RET: variants seen among roughly 807,000 people sequenced by gnomAD.
RET encodes the protein ret proto-oncogene.
A neutral mutation model predicts 118.3 loss-of-function variants in RET; 19 were observed. That is an observed-to-expected ratio of 0.16 (90% CI 0.11 to 0.24). RET has a LOEUF of 0.24. RET is among the 10% of genes least tolerant of loss of function. RET has a pLI of 1.00. For synonymous variants in RET, 597 were observed against 644.1 expected (o/e 0.93, Z 1.11); for missense variants, 1,219 against 1,502.1 (o/e 0.81, Z 3.12).
At position 43,077,343 on chromosome 10, in the gene RET, C is replaced by G. The variant is rs2132499693; in HGVS notation, c.73+12C>G. 1.3e-6 allele frequency: 2 copies of G among 1,506,006 alleles called. No homozygotes were observed. The highest frequency in any genetic ancestry group is 1.8e-6 in the Non-Finnish European group (2 of 1,132,738). 93.3% of individuals were successfully genotyped at this position (1,506,006 alleles called of 1,614,324 possible). On this transcript the variant is annotated intron_variant, in intron 1 of 19. Transcript: ENST00000355710. Reference sequence around the variant, plus strand: ...GCTGCTAGGCAAAGGTGAGTTCTGCCGGCCGCCGGCTCCCGCAGGGGCCAG... The same window carrying G: ...GCTGCTAGGCAAAGGTGAGTTCTGCGGGCCGCCGGCTCCCGCAGGGGCCAG...
chr10:43,077,613 C>A (rs1322824656), intron 1 of RET, among the ~76,000 whole-genome samples: 1 of 152,024 alleles, frequency 6.6e-6, no homozygotes, highest in African/African-American at 2.4e-5. Flanking sequence ...CTAGCCATAG[C>A]CGCAGGTCTC....
At position 43,100,604 on chromosome 10, in the gene RET, C is replaced by T. The variant is rs761460588; in HGVS notation, c.219C>T (p.Tyr73=). Residue 73 remains tyrosine (Y), a synonymous_variant, in exon 2 of 20, where the codon TAC becomes TAT. Coordinates refer to ENST00000355710, the MANE Select transcript of RET (RefSeq NM_020975.6). ...GCTTCCGCCTGGGCCAGCATCTCTA[C>T]GGCACGTACCGCACACGGCTGCATG... ...VPSFRLGQHL[Y]GTYRTRLHEN... The T allele has an allele frequency of 8.7e-6, 14 of 1,613,956 alleles. No homozygotes were observed. Among genetic ancestry groups the T allele is most frequent in the Admixed American group, 3.3e-5 (2 of 60,018 alleles).
Position 43,085,111 on chromosome 10 carries a change from G to A in RET, c.73+7780G>A, listed in dbSNP as rs572807056. Reference sequence around the variant, plus strand: ...CTGGAGGCCAGCATGGAGCTGGGGGGCCCTGAACCGAGGGTGGCAGGCAGC... The same window carrying A: ...CTGGAGGCCAGCATGGAGCTGGGGGACCCTGAACCGAGGGTGGCAGGCAGC... On this transcript the variant is annotated intron_variant, in intron 1 of 19. Transcript: ENST00000355710. Among the ~76,000 whole-genome samples, 9 of 152,350 alleles carry A rather than the reference G, an allele frequency of 5.9e-5. 1 individual carries two copies. The South Asian group carries it at 1.7e-3, about 28-fold the overall frequency.
chr10:43,113,969 C>G (rs1457089071), intron 10 of RET, among the ~76,000 whole-genome samples: 4 of 152,200 alleles, frequency 2.6e-5, no homozygotes, highest in Non-Finnish European at 5.9e-5. Flanking sequence ...GGGACCCACC[C>G]AGGAACACAT....
chr10:43,086,712 C>G (rs564244171), intron 1 of RET, among the ~76,000 whole-genome samples: 1 of 152,356 alleles, frequency 6.6e-6, no homozygotes, highest in South Asian at 2.1e-4. Flanking sequence ...GCATAGAAGC[C>G]GGAAGCAACT....
At chr10:43,098,149 A>C (rs1837560716) in intron 1 of RET, among the ~76,000 whole-genome samples, 1 of 152,236 alleles carries the variant, frequency 6.6e-6, no homozygotes, top group South Asian at 2.1e-4. Flanking sequence ...CATTAAGTAC[A>C]TTCACATTGT....
At chr10:43,110,697 G>A (rs990661507) in intron 6 of RET, among the ~76,000 whole-genome samples, 2 of 152,064 alleles carry the variant, frequency 1.3e-5, no homozygotes, top group African/African-American at 2.4e-5. Flanking sequence ...CCATGCTCCC[G>A]AGTCTTGTGG....
At chr10:43,119,209 G>C (rs1486685138) in intron 13 of RET, among the ~76,000 whole-genome samples, 1 of 152,178 alleles carries the variant, frequency 6.6e-6, no homozygotes, top group Non-Finnish European at 1.5e-5. Flanking sequence ...ACTGGGGCAG[G>C]ACCCAGGAGG....
chr10:43,121,014 G>A (rs1229010083), intron 15 of RET, among the ~76,000 whole-genome samples: 3 of 152,200 alleles, frequency 2.0e-5, no homozygotes, highest in Non-Finnish European at 1.5e-5. Context: ...GAAGCCATTT[G>A]TGTTGCCAGG....
chr10:43,130,070 G>A lies in RET; in HGVS notation c.*1801G>A. 1 of 398,542 alleles carries A rather than the reference G, an allele frequency of 2.5e-6. No homozygotes were observed. The highest frequency in any genetic ancestry group is 4.4e-6 in the Non-Finnish European group (1 of 226,036). 24.7% of individuals were successfully genotyped at this position (398,542 alleles called of 1,614,324 possible). On this transcript the variant is annotated 3_prime_UTR_variant, in exon 20 of 20. Transcript: ENST00000355710. ...AGGTCTAAACAGCTGACCCAGTGATGGGGAATTTATCCTTGACCAATTTAT... is the reference window on the plus strand; with the variant it reads ...AGGTCTAAACAGCTGACCCAGTGATAGGGAATTTATCCTTGACCAATTTAT...
intron 17 of RET, 118 bp downstream of exon 17, chr10:43,123,926 T>G: frequency 6.7e-7 from 1 of 1,484,648 alleles, no homozygotes; most frequent in Non-Finnish European, 9.3e-7. Flanking sequence ...GGGTGGGGAG[T>G]GGGCAGGGCA....
At chr10:43,112,337 G>A in intron 8 of RET, 113 bp downstream of exon 8, 1 of 1,469,738 alleles carries the variant, frequency 6.8e-7, no homozygotes, top group Non-Finnish European at 9.3e-7. Flanking sequence ...GTCTGCTTCT[G>A]GCACCTCATC....
intron 17 of RET, 53 bp downstream of exon 17, chr10:43,123,861 T>C: frequency 6.2e-7 from 1 of 1,611,666 alleles, no homozygotes; most frequent in Middle Eastern, 1.7e-4. Flanking sequence ...AGGGGACATC[T>C]GTGTGCATTC....
rs1207742610 is a variant in RET, at chr10:43,126,599, A to G, written c.3064A>G (p.Thr1022Ala). ...RRDYLDLAASTPSDSLIYDDG... is the reference protein window; with the variant it reads ...RRDYLDLAASAPSDSLIYDDG... ...GGACTACTTGGACCTTGCGGCGTCC[A>G]CTCCATCTGACTCCCTGATTTATGA... The change falls in exon 19 of 20, where the codon ACT becomes GCT. Residue 1022 changes from threonine to alanine, a missense_variant. By Grantham distance (58) the Thr-to-Ala change is moderately conservative. Around this residue, in one of 5 missense-constraint regions of RET, gnomAD observed 174 missense variants for 179.3 expected, o/e 0.97. Transcript: ENST00000355710. 4 of 1,613,814 alleles carry G rather than the reference A, an allele frequency of 2.5e-6. No individual in the cohort carries two copies. Among genetic ancestry groups the G allele is most frequent in the African/African-American group, 1.3e-5 (1 of 74,908 alleles).
chr10:43,125,040 C>T, intron 18 of RET, 58 bp downstream of exon 18: 1 of 1,501,408 alleles, frequency 6.7e-7, no homozygotes, highest in Non-Finnish European at 9.3e-7. Flanking sequence ...ACTCCAGCCT[C>T]ACCCCAGGGC....
chr10:43,095,532 G>C (rs1837504629), intron 1 of RET, among the ~76,000 whole-genome samples: 1 of 152,152 alleles, frequency 6.6e-6, no homozygotes, highest in Non-Finnish European at 1.5e-5. Flanking sequence ...TGGGACGAGG[G>C]GGCTCAGGAC....
At chr10:43,092,928 C>T (rs1485601235) in intron 1 of RET, among the ~76,000 whole-genome samples, 5 of 152,322 alleles carry the variant, frequency 3.3e-5, no homozygotes, top group East Asian at 1.9e-4. Context: ...AGTATCTCCC[C>T]GTCCTCTTAC....
Position 43,114,399 on chromosome 10 carries a change from A to C in RET, c.1880-81A>C, listed in dbSNP as rs985435771. ...CGCGGACACGGCAGGCTGGAGAGCC[A>C]TGAGGCAGAGCATACGCAGCCTGTA... is the stretch of plus-strand genomic sequence containing the variant. On this transcript the variant is annotated intron_variant, in intron 10 of 19. Transcript: ENST00000355710. This position sits in a 1 kb window ranked among gnomAD's most constrained non-coding sequence, Gnocchi z 4.6. The C allele has an allele frequency of 8.2e-6, 13 of 1,576,858 alleles. No homozygotes were observed. The highest frequency in any genetic ancestry group is 1.7e-5 in the Admixed American group (1 of 58,916).
chr10:43,094,517 T>C lies in RET; in HGVS notation c.74-5942T>C, dbSNP rs567713442. ...TGTGCTGCCATCCTAGGGAAGTTTTTCATGGTCTGGAGCTCCATTTGTGTT... is the reference window on the plus strand; with the variant it reads ...TGTGCTGCCATCCTAGGGAAGTTTTCCATGGTCTGGAGCTCCATTTGTGTT... On this transcript the variant is annotated intron_variant, in intron 1 of 19. Transcript: ENST00000355710. 2.0e-5 allele frequency among the ~76,000 whole-genome samples: 3 copies of C among 152,322 alleles called. No individual in the cohort carries two copies. In the South Asian group the frequency reaches 6.2e-4, roughly 32 times the overall value.
Sources: gnomAD v4.1 joint callset for allele counts (sites outside exome capture counted in the v4.1 genomes callset) on GRCh38, gnomAD v4.1.1 for gene constraint, gnomAD v4.1.1 regional missense constraint, Gnocchi (gnomAD v3.1) non-coding constraint, MANE v1.5 for transcripts, NCBI Gene and HGNC (gene_info 2026-07-23, HGNC 2026-07-21) for gene names.